ATP8A1: variants seen among roughly 807,000 people sequenced by gnomAD.
ATP8A1 encodes the protein ATPase phospholipid transporting 8A1.
In ATP8A1, 90 loss-of-function variants were observed where a neutral mutation model predicts 177.7. That is an observed-to-expected ratio of 0.51 (90% CI 0.43 to 0.60). The LOEUF (loss-of-function observed/expected upper bound fraction) is 0.60. Ranked by LOEUF, ATP8A1 falls within the 20% of genes least tolerant of loss-of-function variation. The pLI is 0.00. For missense variants in ATP8A1, 1,072 were observed against 1,392.8 expected, an observed-to-expected ratio of 0.77 and a Z score of 3.67; for synonymous variants, 493 against 485.9, an observed-to-expected ratio of 1.01 and a Z score of -0.19.
intron 5 of ATP8A1, among the ~76,000 whole-genome samples, chr4:42,611,848 A>T (rs11929758): frequency 1.3e-5 from 2 of 152,154 alleles, no homozygotes; most frequent in African/African-American, 4.8e-5. Context: ...ATTTGGCAGA[A>T]CAACTCATCT....
chr4:42,523,571 T>C (rs545151803), intron 21 of ATP8A1, among the ~76,000 whole-genome samples: 1 of 152,192 alleles, frequency 6.6e-6, no homozygotes, highest in East Asian at 1.9e-4. Flanking sequence ...GCTGGAAAAC[T>C]TACTGGAGGG....
At position 42,412,076 on chromosome 4, in the gene ATP8A1, T is replaced by C. The variant is rs1325176063; in HGVS notation, c.*840A>G. 6.6e-6 allele frequency: 1 copy of C among 152,192 alleles called. No homozygotes were observed. Among genetic ancestry groups the C allele is most frequent in the East Asian group, 1.9e-4 (1 of 5,202 alleles). The allele number at this position is 152,192 out of a possible 1,614,324, so 9.4% of individuals were successfully genotyped here. A position where few individuals can be genotyped will look rare whatever the true frequency, so the allele number is the denominator to read the frequency against. On this transcript the variant is annotated 3_prime_UTR_variant, in exon 37 of 37. Coordinates refer to ENST00000381668, the MANE Select transcript of ATP8A1 (RefSeq NM_006095.2). ...CAGATTTTTAGAAAAATCTAAATGA[T>C]GATGAAACTTCATCAGAAATACCTG...
At chr4:42,573,647 C>G (rs761510637) in intron 14 of ATP8A1, among the ~76,000 whole-genome samples, 1 of 152,132 alleles carries the variant, frequency 6.6e-6, no homozygotes, top group Non-Finnish European at 1.5e-5. Context: ...GCTCTCGTAA[C>G]GCAAAGAACA....
intron 13 of ATP8A1, among the ~76,000 whole-genome samples, chr4:42,575,355 T>C (rs1207379310): frequency 6.6e-6 from 1 of 152,186 alleles, no homozygotes; most frequent in Admixed American, 6.5e-5. Context: ...AAATAGCCAA[T>C]ATGTTGCATA....
intron 25 of ATP8A1, chr4:42,471,910 T>C (rs1320405525): frequency 1.6e-6 from 1 of 643,970 alleles, no homozygotes; most frequent in African/African-American, 1.8e-5. Context: ...GGAGATAAAC[T>C]CGGACCTCAA....
At chr4:42,570,788 C>A (rs1731826562) in intron 14 of ATP8A1, among the ~76,000 whole-genome samples, 1 of 152,222 alleles carries the variant, frequency 6.6e-6, no homozygotes, top group Non-Finnish European at 1.5e-5. Context: ...CTGGTAAGTT[C>A]TTCACTTAAT....
intron 25 of ATP8A1, among the ~76,000 whole-genome samples, chr4:42,477,248 A>T (rs1163904904): frequency 6.6e-6 from 1 of 152,198 alleles, no homozygotes; most frequent in Admixed American, 6.5e-5. Context: ...GAGATGTTCA[A>T]CCTCTCTAGT....
At chr4:42,655,642 T>C (rs57837145) in intron 1 of ATP8A1, among the ~76,000 whole-genome samples, 6,982 of 152,314 alleles carry the variant, frequency 0.046, 283 homozygotes, top group African/African-American at 0.11. Context: ...AATTCCTATG[T>C]AGTACACAGG....
rs1214070914 is a variant in ATP8A1, at chr4:42,503,528, C to G, written c.2087-14G>C. 6.5e-7 allele frequency: 1 copy of G among 1,546,266 alleles called. No individual in the cohort carries two copies. The highest frequency in any genetic ancestry group is 8.9e-7 in the Non-Finnish European group (1 of 1,127,982). ...TGCAGGAGTGTCCTGTATCCAAACA[C>G]AGAGTATATTAAAATTAATTTCTCC... On this transcript the variant is annotated splice_polypyrimidine_tract_variant and intron_variant, in intron 23 of 36. Coordinates refer to ENST00000381668, the MANE Select transcript of ATP8A1 (RefSeq NM_006095.2).
chr4:42,500,073 G>C (rs1723699914), intron 24 of ATP8A1, among the ~76,000 whole-genome samples: 1 of 152,140 alleles, frequency 6.6e-6, no homozygotes, highest in Non-Finnish European at 1.5e-5. Flanking sequence ...GATGCTTAAA[G>C]AAATGTCTTG....
At chr4:42,453,523 A>C (rs1718157976) in intron 29 of ATP8A1, among the ~76,000 whole-genome samples, 1 of 152,218 alleles carries the variant, frequency 6.6e-6, no homozygotes, top group Admixed American at 6.5e-5. Flanking sequence ...ACTTTTTTCA[A>C]CAATAAAAGA....
At chr4:42,637,228 A>C (rs1739486699) in intron 1 of ATP8A1, 1 of 518,514 alleles carries the variant, frequency 1.9e-6, no homozygotes, top group Non-Finnish European at 3.9e-6. Flanking sequence ...TAAGCAGGCT[A>C]CCTGGAACCT....
At chr4:42,420,486 G>A (rs1488187836) in intron 35 of ATP8A1, among the ~76,000 whole-genome samples, 1 of 152,122 alleles carries the variant, frequency 6.6e-6, no homozygotes, top group Non-Finnish European at 1.5e-5. Context: ...TTTCCTTTTT[G>A]GGCTCTCTGG....
At chr4:42,601,979 T>C (rs998075489) in intron 5 of ATP8A1, among the ~76,000 whole-genome samples, 18 of 141,138 alleles carry the variant, frequency 1.3e-4, no homozygotes, top group African/African-American at 4.7e-4. Flanking sequence ...CCTGAACACA[T>C]ACATTATGTC....
At chr4:42,604,368 C>T (rs1387034349) in intron 5 of ATP8A1, among the ~76,000 whole-genome samples, 1 of 152,204 alleles carries the variant, frequency 6.6e-6, no homozygotes, top group African/African-American at 2.4e-5. Flanking sequence ...AGATCCATGA[C>T]AAGAGAAACC....
chr4:42,483,994 C>T (rs1040035274), intron 25 of ATP8A1, among the ~76,000 whole-genome samples: 1 of 152,166 alleles, frequency 6.6e-6, no homozygotes, highest in African/African-American at 2.4e-5. Flanking sequence ...ATGTTGTTTC[C>T]AACTAGGAGC....
In ATP8A1 at chr4:42,498,781, A is replaced by C. The variant is rs576501785; in HGVS notation, c.2151+4669T>G. ...TTTAATCCTCACAACTCCACCCCTA[A>C]ATGAGATGGACATTTTCATTATTCT... On this transcript the variant is annotated intron_variant, in intron 24 of 36. Coordinates refer to ENST00000381668, the MANE Select transcript of ATP8A1 (RefSeq NM_006095.2). 6.6e-5 allele frequency among the ~76,000 whole-genome samples: 10 copies of C among 152,326 alleles called. No individual in the cohort carries two copies. The East Asian group carries it at 1.9e-3, about 29-fold the overall frequency.
rs374708577 is a variant in ATP8A1 at position 42,485,651 on chromosome 4, G to C, written c.2169C>G (p.Leu723=). 1.2e-6 allele frequency: 2 copies of C among 1,610,898 alleles called. No homozygotes were observed. The highest frequency in any genetic ancestry group is 1.3e-5 in the African/African-American group (1 of 74,784). The change falls in exon 25 of 37, where the codon CTC becomes CTG. Residue 723 remains leucine, a synonymous_variant. Transcript: ENST00000381668. ...CACCAAGGGTAGTACAGTGACGACT[G>C]AGAGTTTCCCTTGTTCCCTGGAATA... is the stretch of plus-strand genomic sequence containing the variant. ...EGSLDGTRET[L]SRHCTTLGDA...
intron 1 of ATP8A1, among the ~76,000 whole-genome samples, chr4:42,648,497 G>C (rs748802556): frequency 2.6e-5 from 4 of 152,058 alleles, no homozygotes; most frequent in Non-Finnish European, 4.4e-5. Flanking sequence ...TAAATAATTT[G>C]AGGAAAAACT....
Sources: gnomAD v4.1 joint callset for allele counts (sites outside exome capture counted in the v4.1 genomes callset) on GRCh38, gnomAD v4.1.1 for gene constraint, MANE v1.5 for transcripts, NCBI Gene and HGNC (gene_info 2026-07-23, HGNC 2026-07-21) for gene names.